The following KIAA1328 variants were observed in gnomAD, a reference collection of about 807,000 sequenced individuals.
KIAA1328 encodes the protein KIAA1328.
In KIAA1328, 52 loss-of-function variants were observed where a neutral mutation model predicts 68.1. The ratio of observed to expected loss-of-function variants is 0.76; its 90% CI spans 0.61 to 0.96. The LOEUF is 0.96. KIAA1328 is among the 40% of genes least tolerant of loss of function. The probability of loss-of-function intolerance (pLI) is 0.00; values close to 1 mark genes in which losing one functional copy is unlikely to be tolerated. For missense variants in KIAA1328, 641 were observed against 677.6 expected (o/e 0.95, Z 0.60); for synonymous variants, 232 against 239.4 (o/e 0.97, Z 0.28).
At chr18:37,098,253 T>C (rs2057476839) in intron 7 of KIAA1328, among the ~76,000 whole-genome samples, 1 of 152,248 alleles carries the variant, frequency 6.6e-6, no homozygotes, top group African/African-American at 2.4e-5. Context: ...GTCCCATCAA[T>C]ACCTAATTTA....
intron 5 of KIAA1328, among the ~76,000 whole-genome samples, chr18:36,925,861 A>G (rs186608078): frequency 7.6e-4 from 116 of 152,116 alleles, no homozygotes; most frequent in African/African-American, 2.4e-3. Flanking sequence ...TATATTTCTT[A>G]CAAATGTCTT....
intron 6 of KIAA1328, among the ~76,000 whole-genome samples, chr18:36,993,082 G>T (rs1001804275): frequency 1.3e-5 from 2 of 152,058 alleles, no homozygotes; most frequent in Non-Finnish European, 2.9e-5. Context: ...CTTCAACCTG[G>T]GTGAGAGAGT....
intron 9 of KIAA1328, among the ~76,000 whole-genome samples, chr18:37,213,598 G>T (rs1158514685): frequency 6.6e-6 from 1 of 152,112 alleles, no homozygotes; most frequent in Non-Finnish European, 1.5e-5. Flanking sequence ...GAATAGTGCT[G>T]CAATAAACAT....
chr18:37,136,964 C>T (rs2058659915), intron 7 of KIAA1328, among the ~76,000 whole-genome samples: 1 of 152,174 alleles, frequency 6.6e-6, no homozygotes, highest in African/African-American at 2.4e-5. Context: ...TCATCATCAT[C>T]CTCTTTTTTC....
At position 37,067,364 on chromosome 18, in the gene KIAA1328, G is replaced by A. The variant is rs775454436; in HGVS notation, c.1051G>A (p.Ala351Thr). Residue 351 changes from alanine to threonine, a missense_variant, in exon 7 of 10, where the codon GCA becomes ACA. Transcript: ENST00000280020. ...GGCATCTCTGGTGCATGGTGGTGGGGCACTGCAACCCATTGAAACTTTGAA... is the reference window on the plus strand; with the variant it reads ...GGCATCTCTGGTGCATGGTGGTGGGACACTGCAACCCATTGAAACTTTGAA... ...SWASLVHGGG[A>T]LQPIETLKKQ... 2.3e-5 allele frequency: 37 copies of A among 1,613,812 alleles called. No homozygotes were observed. In the African/African-American group the frequency reaches 3.2e-4, roughly 14 times the overall value.
In KIAA1328 at chr18:36,948,903, C is replaced by T. The variant is rs145300164; in HGVS notation, c.449-10405C>T. 7.1e-4 allele frequency among the ~76,000 whole-genome samples: 108 copies of T among 152,304 alleles called. No individual in the cohort carries two copies. In the East Asian group the frequency reaches 0.017, roughly 24 times the overall value. On this transcript the variant is annotated intron_variant, in intron 5 of 9. Transcript: ENST00000280020. ...CGTGTTTGGAGCTGGTAGTTTTCAG[C>T]CTGATATGTTTCACTATGCTTCACA...
intron 6 of KIAA1328, among the ~76,000 whole-genome samples, chr18:37,032,976 T>C (rs746427877): frequency 4.1e-4 from 63 of 152,198 alleles, no homozygotes; most frequent in Non-Finnish European, 8.1e-4. Flanking sequence ...CTGCCGTCAT[T>C]CTTACTCTCT....
At chr18:36,891,814 G>A (rs2048698031) in intron 5 of KIAA1328, among the ~76,000 whole-genome samples, 1 of 152,144 alleles carries the variant, frequency 6.6e-6, no homozygotes, top group South Asian at 2.1e-4. Context: ...TTTCCTTTGG[G>A]TGGATACCCA....
chr18:36,908,951 G>A (rs1368370804), intron 5 of KIAA1328, among the ~76,000 whole-genome samples: 4 of 151,980 alleles, frequency 2.6e-5, no homozygotes, highest in African/African-American at 9.7e-5. Context: ...CTTATCCTAG[G>A]CTTACTTAGT....
At chr18:36,939,513 A>T (rs1256310567) in intron 5 of KIAA1328, among the ~76,000 whole-genome samples, 2 of 152,134 alleles carry the variant, frequency 1.3e-5, no homozygotes. Flanking sequence ...AGGGTTTTCT[A>T]AATATAAGGT....
intron 5 of KIAA1328, among the ~76,000 whole-genome samples, chr18:36,917,152 C>T (rs576258703): frequency 6.6e-6 from 1 of 152,220 alleles, no homozygotes; most frequent in African/African-American, 2.4e-5. Flanking sequence ...CATTGATTTC[C>T]TTCATGGGTC....
intron 3 of KIAA1328, among the ~76,000 whole-genome samples, chr18:36,843,698 A>T (rs759841683): frequency 1.3e-5 from 2 of 152,206 alleles, no homozygotes; most frequent in African/African-American, 2.4e-5. Context: ...AATAGTAAGT[A>T]CAAAGTGCTT....
chr18:37,048,582 A>G (rs890856608), intron 6 of KIAA1328, among the ~76,000 whole-genome samples: 1 of 97,830 alleles, frequency 1.0e-5, no homozygotes, highest in Non-Finnish European at 2.5e-5. Context: ...ACATTGTAGA[A>G]GGCAATATAA....
At chr18:36,859,553 C>T (rs985618643) in intron 4 of KIAA1328, among the ~76,000 whole-genome samples, 1 of 147,536 alleles carries the variant, frequency 6.8e-6, no homozygotes. Context: ...CCTTCCCTAC[C>T]TCCCTGTCTC....
chr18:37,189,461 G>A (rs1205851489), intron 9 of KIAA1328, among the ~76,000 whole-genome samples: 1 of 152,186 alleles, frequency 6.6e-6, no homozygotes, highest in Non-Finnish European at 1.5e-5. Flanking sequence ...GATGAAGATA[G>A]TATAGAATTC....
chr18:37,193,772 T>G (rs1439026414), intron 9 of KIAA1328: 1 of 613,738 alleles, frequency 1.6e-6, no homozygotes, highest in African/African-American at 1.9e-5. Context: ...TTTTGCCTTA[T>G]TTTAAAAGAA....
intron 7 of KIAA1328, among the ~76,000 whole-genome samples, chr18:37,110,152 A>G (rs1266737260): frequency 2.6e-5 from 4 of 152,178 alleles, no homozygotes; most frequent in Non-Finnish European, 5.9e-5. Flanking sequence ...TTGTCATATC[A>G]GACCTTTGGT....
intron 6 of KIAA1328, among the ~76,000 whole-genome samples, chr18:36,984,029 A>T (rs1455878719): frequency 6.6e-6 from 1 of 152,146 alleles, no homozygotes; most frequent in Admixed American, 6.6e-5. Context: ...ATAGGTCCAA[A>T]TTTTTTTAGA....
intron 6 of KIAA1328, among the ~76,000 whole-genome samples, chr18:36,964,102 C>G (rs2051815089): frequency 6.6e-6 from 1 of 152,126 alleles, no homozygotes; most frequent in Non-Finnish European, 1.5e-5. Context: ...GCCAGTCTGG[C>G]ACTATAGTTT....
Sources: allele counts gnomAD v4.1 joint callset (sites outside exome capture counted in the v4.1 genomes callset), GRCh38; gene constraint gnomAD v4.1.1; transcripts MANE v1.5; gene names NCBI Gene and HGNC (gene_info 2026-07-23, HGNC 2026-07-21).